NRTN: variants seen among roughly 807,000 people sequenced by gnomAD.
NRTN encodes the protein neurturin.
A neutral mutation model predicts 7.5 loss-of-function variants in NRTN; 3 were observed. That is an observed-to-expected ratio of 0.40 (90% CI 0.18 to 1.03). NRTN has a LOEUF of 1.03. NRTN is among the 50% of genes least tolerant of loss of function. The pLI, the probability that NRTN is intolerant of heterozygous loss-of-function variation, is 0.34. For synonymous variants in NRTN, 157 were observed against 146.6 expected, an observed-to-expected ratio of 1.07 and a Z score of -0.51; for missense variants, 310 against 307.0, an observed-to-expected ratio of 1.01 and a Z score of -0.07.
At chr19:5,809,267 C>T (rs2056983054) in intron 1 of NRTN, among the ~76,000 whole-genome samples, 1 of 151,072 alleles carries the variant, frequency 6.6e-6, no homozygotes, top group South Asian at 2.1e-4. Context: ...ACCTCCTGGA[C>T]TCAAGCGATC....
At chr19:5,817,920 C>A (rs1314571835) in intron 1 of NRTN, among the ~76,000 whole-genome samples, 1 of 151,424 alleles carries the variant, frequency 6.6e-6, no homozygotes, top group African/African-American at 2.4e-5. Context: ...CTGCCTCAGC[C>A]TCCCGAGTAG....
chr19:5,806,928 A>G lies in NRTN; in HGVS notation c.-399+1477A>G, dbSNP rs951701302. Reference sequence around the variant, plus strand: ...TTTCGACAAATGTGTGTCGATGGCAACCGCGTGGTTGACTGGTGTCAGGGT... The same window carrying G: ...TTTCGACAAATGTGTGTCGATGGCAGCCGCGTGGTTGACTGGTGTCAGGGT... On this transcript the variant is annotated intron_variant, in intron 1 of 2. Coordinates refer to ENST00000303212, the MANE Select transcript of NRTN (RefSeq NM_004558.5). This position sits in a 1 kb window ranked among gnomAD's most constrained non-coding sequence, Gnocchi z 5.4. Among the ~76,000 whole-genome samples the G allele has an allele frequency of 6.6e-6, 1 of 152,194 alleles. No individual in the cohort carries two copies. The highest frequency in any genetic ancestry group is 1.5e-5 in the Non-Finnish European group (1 of 68,036).
chr19:5,823,630 A>T (rs1268089050), intron 1 of NRTN, among the ~76,000 whole-genome samples, 138 bp from the exon 2 acceptor site: 1 of 152,192 alleles, frequency 6.6e-6, no homozygotes, highest in Non-Finnish European at 1.5e-5. Context: ...GGAGGACACC[A>T]GCATGTAGGG....
At chr19:5,824,640 G>A (rs992781730) in intron 2 of NRTN, among the ~76,000 whole-genome samples, 1 of 152,208 alleles carries the variant, frequency 6.6e-6, no homozygotes, top group African/African-American at 2.4e-5. Flanking sequence ...AAATTAGCCA[G>A]GTGTAGTGGC....
chr19:5,828,020 A>G lies in NRTN; in HGVS notation c.441A>G (p.Arg147=), dbSNP rs2057054944. The part of the protein sequence containing the change: ...AARVYDLGLR[R]LRQRRRLRRE... ...GCGTCTACGACCTCGGGCTGCGACG[A>G]CTGCGCCAGCGGCGGCGCCTGCGGC... Residue 147 remains arginine, a synonymous_variant, in exon 3 of 3, where the codon CGA becomes CGG. Transcript: ENST00000303212. The G allele has an allele frequency of 1.6e-5, 23 of 1,429,152 alleles. No individual in the cohort carries two copies. Among genetic ancestry groups the G allele is most frequent in the Admixed American group, 3.1e-5 (1 of 32,456 alleles). The allele number at this position is 1,429,152 out of a possible 1,614,324, so 88.5% of individuals were successfully genotyped here. A position where few individuals can be genotyped will look rare whatever the true frequency, so the allele number is the denominator to read the frequency against.
At chr19:5,822,645 G>C (rs1176763270) in intron 1 of NRTN, among the ~76,000 whole-genome samples, 1 of 152,206 alleles carries the variant, frequency 6.6e-6, no homozygotes, top group African/African-American at 2.4e-5. Flanking sequence ...AGAGGTTGAA[G>C]TGAATAGGGT....
In NRTN at chr19:5,828,140, C is replaced by T. The variant is rs2057056056; in HGVS notation, c.561C>T (p.His187=). The T allele has an allele frequency of 1.3e-6, 2 of 1,529,960 alleles. No homozygotes were observed. Among genetic ancestry groups the T allele is most frequent in the East Asian group, 2.5e-5 (1 of 40,090 alleles). The allele number at this position is 1,529,960 out of a possible 1,614,324, so 94.8% of individuals were successfully genotyped here. The change falls in exon 3 of 3, where the codon CAC becomes CAT. Residue 187 remains histidine, a synonymous_variant. Transcript: ENST00000303212. The stretch of plus-strand genomic sequence containing the variant: ...CGCACAGCCGCTACCACACGGTGCA[C>T]GAGCTGTCGGCGCGCGAGTGCGCCT... ...LDAHSRYHTV[H]ELSARECACV
Position 5,824,220 on chromosome 19 carries a change from T to C in NRTN, c.55T>C (p.Ser19Pro). 1.2e-6 allele frequency: 2 copies of C among 1,612,294 alleles called. No homozygotes were observed. The highest frequency in any genetic ancestry group is 1.7e-6 in the Non-Finnish European group (2 of 1,179,928). ...LASVLCSSVL[S>P]IWMCREGLLL... ...CTCAGTGCTCTGCAGCTCCGTGCTG[T>C]CCATCTGGATGTGTCGAGAGGGCCT... Residue 19 changes from serine (S) to proline (P), a missense_variant, in exon 2 of 3, where the codon TCC (serine) becomes CCC (proline). Physicochemically the swap from Ser to Pro is moderately conservative, Grantham distance 74. Transcript: ENST00000303212.
rs557061165 is a variant in NRTN, at chr19:5,827,352, C to T, written c.170-397C>T. Among the ~76,000 whole-genome samples, 10 of 151,536 alleles carry T rather than the reference C, an allele frequency of 6.6e-5. No individual in the cohort carries two copies. In the East Asian group the frequency reaches 1.6e-3, roughly 24 times the overall value. On this transcript the variant is annotated intron_variant, in intron 2 of 2. Transcript: ENST00000303212. Reference sequence around the variant, plus strand: ...GTCCAGATAGATTTGCGATGGAGGACGAGGAGAATGGAGCAGCAATGGGGT... The same window carrying T: ...GTCCAGATAGATTTGCGATGGAGGATGAGGAGAATGGAGCAGCAATGGGGT...
intron 2 of NRTN, among the ~76,000 whole-genome samples, chr19:5,826,220 T>A (rs1015060614): frequency 1.3e-5 from 2 of 152,104 alleles, no homozygotes; most frequent in African/African-American, 4.8e-5. Context: ...CCCACAAATG[T>A]CTGCTTCGAT....
In NRTN at chr19:5,805,382, G is replaced by C. The variant is rs1380829615; in HGVS notation, c.-468G>C. Among the ~76,000 whole-genome samples, 1 of 117,646 alleles carries C rather than the reference G, an allele frequency of 8.5e-6. No homozygotes were observed. Among genetic ancestry groups the C allele is most frequent in the Non-Finnish European group, 1.8e-5 (1 of 56,220 alleles). 77.2% of individuals were successfully genotyped at this position (117,646 alleles called of 152,430 possible). On this transcript the variant is annotated 5_prime_UTR_variant, in exon 1 of 3. Transcript: ENST00000303212. ...GCGGGCCCAGGCGGCCCGGATGGCG[G>C]TCGCGGCGGCTGGGGCAGGGGCTGG... is the stretch of plus-strand genomic sequence containing the variant.
At chr19:5,810,316 T>C (rs1008380192) in intron 1 of NRTN, among the ~76,000 whole-genome samples, 1 of 151,382 alleles carries the variant, frequency 6.6e-6, no homozygotes, top group African/African-American at 2.4e-5. Flanking sequence ...TCTTGCTATG[T>C]TGGCCAGGCT....
At chr19:5,825,648 T>C (rs1284813245) in intron 2 of NRTN, among the ~76,000 whole-genome samples, 2 of 152,208 alleles carry the variant, frequency 1.3e-5, no homozygotes, top group African/African-American at 4.8e-5. Context: ...TGGAGGAATT[T>C]CAGGCACTGC....
At chr19:5,826,988 C>G (rs2057048858) in intron 2 of NRTN, among the ~76,000 whole-genome samples, 1 of 152,138 alleles carries the variant, frequency 6.6e-6, no homozygotes. Flanking sequence ...ATGGGGGTGG[C>G]CTTGACAGTA....
At chr19:5,817,329 G>C (rs541319035) in intron 1 of NRTN, among the ~76,000 whole-genome samples, 3 of 151,626 alleles carry the variant, frequency 2.0e-5, no homozygotes, top group African/African-American at 7.3e-5. Context: ...ACTCCAGCCT[G>C]GGCAACAGAG....
chr19:5,810,800 G>A (rs943745433), intron 1 of NRTN, among the ~76,000 whole-genome samples: 3 of 151,706 alleles, frequency 2.0e-5, no homozygotes, highest in Non-Finnish European at 1.5e-5. Context: ...ATGGTGGCTC[G>A]TGCCTGTAAT....
At chr19:5,814,478 CTT>C (rs2056999244) in intron 1 of NRTN, among the ~76,000 whole-genome samples, 1 of 152,214 alleles carries the variant, frequency 6.6e-6, no homozygotes, top group African/African-American at 2.4e-5. Flanking sequence ...AGGTGCTACT[CTT>C]TGAGATCGGG....
At position 5,824,055 on chromosome 19, in the gene NRTN, G is replaced by A; in HGVS notation, c.-111G>A. On this transcript the variant is annotated 5_prime_UTR_variant, in exon 2 of 3. Transcript: ENST00000303212. ...TGTGATTATCGACCATTCGGCAGGC[G>A]TTCAAAGTCAAAGGCCCCACACTGA... The A allele has an allele frequency of 2.2e-6, 3 of 1,383,704 alleles. No individual in the cohort carries two copies. Among genetic ancestry groups the A allele is most frequent in the African/African-American group, 1.4e-5 (1 of 70,804 alleles). The allele number at this position is 1,383,704 out of a possible 1,614,324, so 85.7% of individuals were successfully genotyped here.
chr19:5,816,684 GTCT>G, intron 1 of NRTN, among the ~76,000 whole-genome samples: 1 of 151,872 alleles, frequency 6.6e-6, no homozygotes, highest in Non-Finnish European at 1.5e-5. Context: ...GCCCCGTCTT[GTCT>G]TCTTTTCTTT....
Sources: allele counts gnomAD v4.1 joint callset (sites outside exome capture counted in the v4.1 genomes callset), GRCh38; gene constraint gnomAD v4.1.1; non-coding constraint Gnocchi (gnomAD v3.1); transcripts MANE v1.5; gene names NCBI Gene and HGNC (gene_info 2026-07-23, HGNC 2026-07-21).